EXOC6B: variants seen among roughly 807,000 people sequenced by gnomAD.
EXOC6B encodes the protein exocyst complex component 6B.
Under a neutral mutation model 113.5 loss-of-function variants are expected in EXOC6B, and 54 were observed. The ratio of observed to expected loss-of-function variants is 0.48; its 90% confidence interval spans 0.38 to 0.60. EXOC6B has a LOEUF of 0.60. Ranked by LOEUF, EXOC6B falls within the 20% of genes least tolerant of loss-of-function variation. The probability of loss-of-function intolerance (pLI) is 0.00; values close to 1 mark genes in which losing one functional copy is unlikely to be tolerated. For missense variants in EXOC6B, 797 were observed against 977.5 expected (o/e 0.82, Z 2.46); for synonymous variants, 357 against 339.0 (o/e 1.05, Z -0.58).
At chr2:72,231,435 GAAC>G (rs1223013119) in intron 20 of EXOC6B, among the ~76,000 whole-genome samples, 6 of 152,080 alleles carry the variant, frequency 3.9e-5, no homozygotes, top group East Asian at 3.9e-4. Context: ...AATCAGAATA[GAAC>G]AATAAGAGAA....
At chr2:72,303,203 G>C (rs577307516) in intron 20 of EXOC6B, among the ~76,000 whole-genome samples, 1 of 152,190 alleles carries the variant, frequency 6.6e-6, no homozygotes, top group Non-Finnish European at 1.5e-5. Context: ...AGCCTGATGG[G>C]GTTCCCTTTG....
intron 8 of EXOC6B, among the ~76,000 whole-genome samples, chr2:72,553,604 T>C (rs1334950340): frequency 6.6e-6 from 1 of 152,040 alleles, no homozygotes; most frequent in Non-Finnish European, 1.5e-5. Context: ...AATATTGAAA[T>C]TTAGTATATG....
At chr2:72,726,486 T>C (rs1336279351) in intron 5 of EXOC6B, among the ~76,000 whole-genome samples, 1 of 152,272 alleles carries the variant, frequency 6.6e-6, no homozygotes, top group African/African-American at 2.4e-5. Flanking sequence ...TGTCATTTAA[T>C]CAAAAGGGAA....
intron 20 of EXOC6B, among the ~76,000 whole-genome samples, chr2:72,322,551 A>G (rs1687896994): frequency 6.6e-6 from 1 of 152,152 alleles, no homozygotes; most frequent in South Asian, 2.1e-4. Flanking sequence ...ATTGTATATT[A>G]GATTATACCT....
intron 6 of EXOC6B, among the ~76,000 whole-genome samples, chr2:72,595,471 CA>C (rs1206335842): frequency 6.6e-6 from 1 of 150,430 alleles, no homozygotes; most frequent in Non-Finnish European, 1.5e-5. Context: ...TCTATAATAT[CA>C]AGAAGTTAAG....
chr2:72,295,708 G>A (rs536981610), intron 20 of EXOC6B, among the ~76,000 whole-genome samples: 1 of 152,234 alleles, frequency 6.6e-6, no homozygotes, highest in Non-Finnish European at 1.5e-5. Flanking sequence ...ATGATTGAAG[G>A]TTTGCAAGCA....
intron 11 of EXOC6B, among the ~76,000 whole-genome samples, chr2:72,500,670 C>T (rs946422442): frequency 6.6e-6 from 1 of 151,958 alleles, no homozygotes; most frequent in African/African-American, 2.4e-5. Flanking sequence ...CCATGTATAA[C>T]CTCATATCAA....
intron 6 of EXOC6B, among the ~76,000 whole-genome samples, chr2:72,709,500 C>T (rs545417234): frequency 6.6e-6 from 1 of 152,068 alleles, no homozygotes; most frequent in Non-Finnish European, 1.5e-5. Flanking sequence ...AAAGAAACTA[C>T]AGCCACCAGT....
At chr2:72,550,919 ATTTTT>A (rs761690851) in intron 8 of EXOC6B, among the ~76,000 whole-genome samples, 12 of 133,132 alleles carry the variant, frequency 9.0e-5, no homozygotes, top group Admixed American at 6.8e-4. Context: ...TTTTTTTTTT[ATTTTT>A]TTTTTTTTTT....
At chr2:72,426,068 A>C (rs1695183938) in intron 18 of EXOC6B, among the ~76,000 whole-genome samples, 1 of 152,144 alleles carries the variant, frequency 6.6e-6, no homozygotes, top group Non-Finnish European at 1.5e-5. Context: ...TTCCCTCTAT[A>C]TCAATAACAT....
intron 8 of EXOC6B, among the ~76,000 whole-genome samples, chr2:72,558,572 C>G (rs1703705914): frequency 6.6e-6 from 1 of 152,124 alleles, no homozygotes; most frequent in Admixed American, 6.6e-5. Flanking sequence ...GAGTTCAAGA[C>G]CAGCCTGACC....
chr2:72,794,597 C>A (rs1182970315), intron 1 of EXOC6B, among the ~76,000 whole-genome samples: 1 of 152,202 alleles, frequency 6.6e-6, no homozygotes, highest in African/African-American at 2.4e-5. Context: ...AAACCAGAAG[C>A]AGATAAATAA....
intron 18 of EXOC6B, among the ~76,000 whole-genome samples, chr2:72,401,648 T>TATATATATATATATACATATATAC (rs1693319447): frequency 1.9e-5 from 1 of 51,390 alleles, no homozygotes; most frequent in African/African-American, 1.4e-4. Context: ...CATATATACA[T>TATATATATATATATACATATATAC]ATATATATAT....
At chr2:72,293,625 G>A (rs1297366061) in intron 20 of EXOC6B, among the ~76,000 whole-genome samples, 1 of 152,170 alleles carries the variant, frequency 6.6e-6, no homozygotes, top group African/African-American at 2.4e-5. Flanking sequence ...TTTTAAAAGT[G>A]AAAGTCTGGT....
intron 18 of EXOC6B, among the ~76,000 whole-genome samples, chr2:72,395,381 A>T (rs1692659296): frequency 6.6e-6 from 1 of 152,074 alleles, no homozygotes; most frequent in Non-Finnish European, 1.5e-5. Flanking sequence ...AAATAAGAGC[A>T]TTTCTCCTCC....
chr2:72,448,869 T>C (rs1322597939), intron 18 of EXOC6B, among the ~76,000 whole-genome samples: 1 of 152,192 alleles, frequency 6.6e-6, no homozygotes, highest in Admixed American at 6.5e-5. Flanking sequence ...TGAGACACTA[T>C]TACTGTCACT....
chr2:72,636,435 A>G (rs1409894278), intron 6 of EXOC6B, among the ~76,000 whole-genome samples: 2 of 149,918 alleles, frequency 1.3e-5, no homozygotes, highest in African/African-American at 4.9e-5. Context: ...AAGAGGAGGG[A>G]GGAGGAAGAA....
chr2:72,384,399 A>G (rs183980137), intron 18 of EXOC6B, among the ~76,000 whole-genome samples: 13 of 152,240 alleles, frequency 8.5e-5, no homozygotes, highest in African/African-American at 2.4e-4. Flanking sequence ...TGACAATCCT[A>G]TAGCTAATGT....
At chr2:72,505,372 A>G (rs899937519) in intron 11 of EXOC6B, among the ~76,000 whole-genome samples, 6 of 152,074 alleles carry the variant, frequency 3.9e-5, no homozygotes, top group African/African-American at 1.4e-4. Flanking sequence ...CACCTAATAT[A>G]TATCCCAAGG....
Sources: gnomAD v4.1 joint callset for allele counts (sites outside exome capture counted in the v4.1 genomes callset) on GRCh38, gnomAD v4.1.1 for gene constraint, MANE v1.5 for transcripts, NCBI Gene and HGNC (gene_info 2026-07-23, HGNC 2026-07-21) for gene names.